Variants in TDRD3 observed in about 807,000 individuals in gnomAD.
TDRD3 encodes tudor domain containing 3.
TDRD3 carries 45 observed loss-of-function variants against 86.7 expected under a neutral mutation model. The observed-to-expected ratio is 0.52, with a 90% CI of 0.41 to 0.67. The LOEUF (loss-of-function observed/expected upper bound fraction) is 0.67, where lower values mean the gene tolerates loss of function less well. TDRD3 is among the 30% of genes least tolerant of loss of function. The pLI is 0.00. For synonymous variants in TDRD3, 298 were observed against 301.7 expected, an observed-to-expected ratio of 0.99 and a Z score of 0.13; for missense variants, 814 against 889.0, an observed-to-expected ratio of 0.92 and a Z score of 1.07.
At chr13:60,396,810 T>G (rs1409219243), upstream of TDRD3, 1 of 152,224 alleles carries the variant, frequency 6.6e-6, no homozygotes, top group African/African-American at 2.4e-5. Context: ...GAAAGTAAAC[T>G]TTTGTGCAGA....
Position 60,492,917 on chromosome 13 carries a change from CT to C in TDRD3, c.718-1499del, listed in dbSNP as rs71199004. ...CGTTTCAAATAATTTTCTTTCTTTTCTTTTTTTTTTTTTTTTTTTGAGACGG... is the reference window on the plus strand; with the variant it reads ...CGTTTCAAATAATTTTCTTTCTTTTCTTTTTTTTTTTTTTTTTTGAGACGG... On this transcript the variant is annotated intron_variant, in intron 7 of 13. Transcript: ENST00000377881. Among the ~76,000 whole-genome samples, 678 of 115,474 alleles carry C rather than the reference CT, an allele frequency of 5.9e-3. 4 individuals carry two copies. Among genetic ancestry groups the C allele is most frequent in the African/African-American group, 0.014 (452 of 33,406 alleles). 75.8% of individuals were successfully genotyped at this position (115,474 alleles called of 152,430 possible).
chr13:60,450,976 G>A (rs1440619972), intron 3 of TDRD3, among the ~76,000 whole-genome samples: 3 of 151,868 alleles, frequency 2.0e-5, no homozygotes, highest in Admixed American at 6.6e-5. Flanking sequence ...CACAGATCAC[G>A]CATACACACA....
At chr13:60,516,839 T>C (rs1957183744) in intron 10 of TDRD3, among the ~76,000 whole-genome samples, 1 of 152,184 alleles carries the variant, frequency 6.6e-6, no homozygotes, top group Non-Finnish European at 1.5e-5. Flanking sequence ...TTTCACTGTT[T>C]TTTGCAGAAC....
intron 7 of TDRD3, among the ~76,000 whole-genome samples, chr13:60,488,833 C>A (rs1956512920): frequency 2.0e-5 from 3 of 152,132 alleles, no homozygotes; most frequent in Admixed American, 2.0e-4. Flanking sequence ...CTCACTTTGG[C>A]CTTCCAAAGT....
At chr13:60,428,515 AT>A (rs1290896923) in intron 1 of TDRD3, among the ~76,000 whole-genome samples, 1 of 152,208 alleles carries the variant, frequency 6.6e-6, no homozygotes, top group Middle Eastern at 3.2e-3. Flanking sequence ...AATTAATTTT[AT>A]CGTGCATAGC....
chr13:60,427,642 A>C (rs1019064326), intron 1 of TDRD3, among the ~76,000 whole-genome samples: 1 of 152,080 alleles, frequency 6.6e-6, no homozygotes, highest in East Asian at 1.9e-4. Flanking sequence ...TTTTCTGTAT[A>C]ATAAGAAGGG....
At chr13:60,458,122 C>T (rs926731147) in intron 3 of TDRD3, among the ~76,000 whole-genome samples, 2 of 152,106 alleles carry the variant, frequency 1.3e-5, no homozygotes, top group African/African-American at 2.4e-5. Flanking sequence ...GCTTGGAAAT[C>T]GGCATTTGGG....
At chr13:60,457,289 C>T (rs1357739611) in intron 3 of TDRD3, among the ~76,000 whole-genome samples, 3 of 152,172 alleles carry the variant, frequency 2.0e-5, no homozygotes, top group Non-Finnish European at 4.4e-5. Flanking sequence ...ATAATACCTC[C>T]TTTCTACCTT....
chr13:60,509,984 A>G, intron 9 of TDRD3, 65 bp downstream of exon 9: 2 of 1,542,124 alleles, frequency 1.3e-6, no homozygotes, highest in Admixed American at 2.0e-5. Flanking sequence ...TATGTTATTG[A>G]CAGAGGCTGT....
rs1215196262 is a variant in TDRD3, at chr13:60,444,698, A to G, written c.142A>G (p.Ile48Val). 3.4e-6 allele frequency: 5 copies of G among 1,477,450 alleles called. No individual in the cohort carries two copies. In the South Asian group the frequency reaches 6.9e-5, roughly 20 times the overall value. 91.5% of individuals were successfully genotyped at this position (1,477,450 alleles called of 1,614,324 possible). A position where few individuals can be genotyped will look rare whatever the true frequency, so the allele number is the denominator to read the frequency against. The change falls in exon 3 of 14, where the codon ATT (isoleucine) becomes GTT (valine). Residue 48 changes from isoleucine to valine, a missense_variant. Coordinates refer to ENST00000377881, the MANE Select transcript of TDRD3 (RefSeq NM_001146070.2). ...LIALNTDLRT[I>V]GKKFLPSDIN... ...TTTATTTTAGACAGATCTGAGAACA[A>G]TTGGCAAGAAATTCCTCCCCAGTGA...
intron 7 of TDRD3, among the ~76,000 whole-genome samples, chr13:60,493,072 A>G (rs966958074): frequency 1.3e-5 from 2 of 151,466 alleles, no homozygotes; most frequent in Non-Finnish European, 2.9e-5. Flanking sequence ...GCGCCCGCCA[A>G]CATGCCCGGC....
chr13:60,494,383 T>C, intron 7 of TDRD3, 52 bp from the exon 8 acceptor site: 2 of 1,459,876 alleles, frequency 1.4e-6, no homozygotes, highest in East Asian at 4.7e-5. Flanking sequence ...TTTTTAGAAC[T>C]ATTTTTAAAT....
rs539365795 is a variant in TDRD3 at position 60,474,371 on chromosome 13, G to GC, written c.495+7000dup. Among the ~76,000 whole-genome samples the GC allele has an allele frequency of 6.8e-4, 103 of 151,582 alleles. 2 individuals carry two copies. Among genetic ancestry groups the GC allele is most frequent in the South Asian group, 4.8e-3 (23 of 4,772 alleles). Reference sequence around the variant, plus strand: ...CGGTCTCCGCGCCTTGGTGGTAGTGGCCCCCCCCGGGCCCAGCTGTCCTTT... The same window carrying GC: ...CGGTCTCCGCGCCTTGGTGGTAGTGGCCCCCCCCCGGGCCCAGCTGTCCTTT... On this transcript the variant is annotated intron_variant, in intron 5 of 13. Transcript: ENST00000377881.
At position 60,411,700 on chromosome 13, in the gene TDRD3, G is replaced by A. The variant is rs919157276; in HGVS notation, c.41+14295G>A. ...GTTCCTTTCATCTTATTGCTTTGAT[G>A]TCCCCTCACCCCTTGCTACTCCAAG... is the stretch of plus-strand genomic sequence containing the variant. On this transcript the variant is annotated intron_variant, in intron 1 of 13. Transcript: ENST00000377881. 4.6e-5 allele frequency among the ~76,000 whole-genome samples: 7 copies of A among 151,986 alleles called. 1 individual carries two copies. The highest frequency in any genetic ancestry group is 6.3e-3 in the Middle Eastern group (2 of 316).
intron 10 of TDRD3, among the ~76,000 whole-genome samples, chr13:60,521,279 T>G (rs2137726358): frequency 6.6e-6 from 1 of 152,334 alleles, no homozygotes; most frequent in South Asian, 2.1e-4. Flanking sequence ...AATTTTGAAC[T>G]TGGAGGCTTG....
At chr13:60,523,257 GTA>G (rs1344246462) in intron 10 of TDRD3, among the ~76,000 whole-genome samples, 2 of 152,108 alleles carry the variant, frequency 1.3e-5, no homozygotes, top group Non-Finnish European at 2.9e-5. Context: ...CTGCAAAAAA[GTA>G]TTAATATTTT....
intron 1 of TDRD3, among the ~76,000 whole-genome samples, chr13:60,416,372 A>G (rs4886227): frequency 0.15 from 23,294 of 152,144 alleles, 2,030 homozygotes; most frequent in Admixed American, 0.26. Context: ...TACCTTTCCC[A>G]TGATCAGTTG....
intron 5 of TDRD3, among the ~76,000 whole-genome samples, chr13:60,481,603 C>CT (rs918245013): frequency 7.9e-5 from 12 of 151,538 alleles, no homozygotes; most frequent in African/African-American, 1.7e-4. Context: ...TTTGGTTCTT[C>CT]TTTTTTTTGT....
chr13:60,536,026 A>G (rs2137819885), intron 12 of TDRD3: 1 of 152,244 alleles, frequency 6.6e-6, no homozygotes, highest in East Asian at 1.9e-4. Flanking sequence ...GTATTTTCCT[A>G]AAATAGCAAA....
Sources: allele counts gnomAD v4.1 joint callset (sites outside exome capture counted in the v4.1 genomes callset), GRCh38; gene constraint gnomAD v4.1.1; transcripts MANE v1.5; gene names NCBI Gene and HGNC (gene_info 2026-07-23, HGNC 2026-07-21).